Variants in BANP observed in about 807,000 individuals in gnomAD.
The protein encoded by BANP is BTG3 associated nuclear protein.
In BANP, 11 loss-of-function variants were observed where a neutral mutation model predicts 68.1. The observed-to-expected ratio is 0.16, with a 90% confidence interval of 0.10 to 0.27. The LOEUF (loss-of-function observed/expected upper bound fraction) is 0.27, where lower values mean the gene tolerates loss of function less well. BANP is among the 10% of genes least tolerant of loss of function. The pLI, the probability that BANP is intolerant of heterozygous loss-of-function variation, is 1.00. For missense variants in BANP, 504 were observed against 722.7 expected (o/e 0.70, Z 3.47); for synonymous variants, 329 against 303.2 (o/e 1.09, Z -0.88).
In BANP at chr16:88,036,099, G is replaced by A. The variant is rs373390363; in HGVS notation, c.1272+705G>A. On this transcript the variant is annotated intron_variant, in intron 10 of 13. Transcript: ENST00000682872. The surrounding 1 kb of genome is among the most constrained non-coding windows in gnomAD (Gnocchi z 4.2). ...ACTGTCTCCCGGGTGACCGTCCTTCGACTCTGGGCTGTTTCCTGCAGCACA... is the reference window on the plus strand; with the variant it reads ...ACTGTCTCCCGGGTGACCGTCCTTCAACTCTGGGCTGTTTCCTGCAGCACA... Among the ~76,000 whole-genome samples the A allele has an allele frequency of 9.8e-5, 15 of 152,310 alleles. No individual in the cohort carries two copies. The East Asian group carries it at 2.3e-3, about 24-fold the overall frequency.
rs1253220945 is a variant in BANP, at chr16:88,018,687, G to A, written c.895+20G>A. ...TCCGGTGTAAGTCGGGCCCCGCCTT[G>A]GGGGACTGGGGTGTGCGGGGAGCTG... On this transcript the variant is annotated intron_variant, in intron 7 of 13. Coordinates refer to ENST00000682872, the MANE Select transcript of BANP (RefSeq NM_001386991.1). The surrounding 1 kb of genome is among the most constrained non-coding windows in gnomAD (Gnocchi z 7.7). The A allele has an allele frequency of 3.2e-6, 5 of 1,548,406 alleles. No homozygotes were observed. The highest frequency in any genetic ancestry group is 4.4e-6 in the Non-Finnish European group (5 of 1,144,728).
intron 11 of BANP, among the ~76,000 whole-genome samples, chr16:88,039,619 G>A (rs2080255057): frequency 7.0e-6 from 1 of 141,960 alleles, no homozygotes; most frequent in African/African-American, 2.4e-5. Flanking sequence ...TATTACTGCA[G>A]TGCTTCTGTT....
rs535635554 is a variant in BANP, at chr16:88,009,955, A to C, written c.655+3690A>C. On this transcript the variant is annotated intron_variant, in intron 6 of 13. Coordinates refer to ENST00000682872, the MANE Select transcript of BANP (RefSeq NM_001386991.1). ...TAGACTGTGTCTCATTGGAATAAGA[A>C]GGACTGTAGCTCCTGACTGTTGAAA... Among the ~76,000 whole-genome samples the C allele has an allele frequency of 3.3e-5, 5 of 152,222 alleles. No individual in the cohort carries two copies. The South Asian group carries it at 8.3e-4, about 25-fold the overall frequency.
At position 88,004,550 on chromosome 16, in the gene BANP, G is replaced by T. The variant is rs115501145; in HGVS notation, c.479+139G>T. On this transcript the variant is annotated intron_variant, in intron 5 of 13. Transcript: ENST00000682872. The surrounding 1 kb of genome is among the most constrained non-coding windows in gnomAD (Gnocchi z 7.0). ...CACAGGGTTGAGCCTGGCAGGCACC[G>T]CCCCAGCTCTCTGAGGTCGGGGAGG... 2.2e-5 allele frequency: 13 copies of T among 590,708 alleles called. No homozygotes were observed. The highest frequency in any genetic ancestry group is 3.5e-5 in the Non-Finnish European group (12 of 340,304). The allele number at this position is 590,708 out of a possible 1,614,324, so 36.6% of individuals were successfully genotyped here. A position where few individuals can be genotyped will look rare whatever the true frequency, so the allele number is the denominator to read the frequency against.
Position 87,957,729 on chromosome 16 carries a change from T to G in BANP, c.-69+6214T>G, listed in dbSNP as rs1395825473. Among the ~76,000 whole-genome samples the G allele has an allele frequency of 6.6e-6, 1 of 152,248 alleles. No homozygotes were observed. The highest frequency in any genetic ancestry group is 1.5e-5 in the Non-Finnish European group (1 of 68,040). On this transcript the variant is annotated intron_variant, in intron 1 of 13. Transcript: ENST00000682872. The surrounding 1 kb of genome is among the most constrained non-coding windows in gnomAD (Gnocchi z 4.3). Reference sequence around the variant, plus strand: ...GGAGAACTGGGTGCGCGCTTGGCATTTCCTTGCCGGTGTGAATGCGCTTCC... The same window carrying G: ...GGAGAACTGGGTGCGCGCTTGGCATGTCCTTGCCGGTGTGAATGCGCTTCC...
At chr16:87,997,281 A>T (rs1490390647) in intron 4 of BANP, among the ~76,000 whole-genome samples, 1 of 152,252 alleles carries the variant, frequency 6.6e-6, no homozygotes, top group Non-Finnish European at 1.5e-5. Flanking sequence ...TTTTAAATCC[A>T]TCAAAGTAAA....
intron 4 of BANP, among the ~76,000 whole-genome samples, chr16:87,990,112 G>A (rs561897888): frequency 7.2e-5 from 11 of 152,266 alleles, no homozygotes; most frequent in Admixed American, 2.0e-4. Context: ...ATACTGACTC[G>A]AAAAATTATT....
chr16:88,058,967 C>T (rs928647402), intron 11 of BANP, among the ~76,000 whole-genome samples: 7 of 152,108 alleles, frequency 4.6e-5, no homozygotes, highest in African/African-American at 1.7e-4. Flanking sequence ...GCCGCTGCTC[C>T]TGCTTTCGGC....
Position 87,989,906 on chromosome 16 carries a change from G to A in BANP, c.362+5647G>A, listed in dbSNP as rs1292023543. On this transcript the variant is annotated intron_variant, in intron 4 of 13. Coordinates refer to ENST00000682872, the MANE Select transcript of BANP (RefSeq NM_001386991.1). ...GGTGGGTGACGGGGGATGCAGGCCC[G>A]CGTGGCTGCGCACATCCAGGACACA... Among the ~76,000 whole-genome samples the A allele has an allele frequency of 2.9e-3, 377 of 127,954 alleles. 31 individuals are homozygous for A. Among genetic ancestry groups the A allele is most frequent in the Non-Finnish European group, 4.0e-3 (245 of 61,342 alleles). The allele number at this position is 127,954 out of a possible 152,430, so 83.9% of individuals were successfully genotyped here.
chr16:88,012,535 C>A (rs1289299342), intron 6 of BANP, among the ~76,000 whole-genome samples: 2 of 152,200 alleles, frequency 1.3e-5, no homozygotes, highest in Admixed American at 1.3e-4. Context: ...GGATGGCCTT[C>A]TGATTTGTTC....
At chr16:88,054,429 C>T (rs1033540050) in intron 11 of BANP, among the ~76,000 whole-genome samples, 1 of 152,092 alleles carries the variant, frequency 6.6e-6, no homozygotes, top group Non-Finnish European at 1.5e-5. Context: ...CAAACACTAC[C>T]ACCACCACCT....
At chr16:88,025,423 G>A (rs1225744439) in intron 7 of BANP, among the ~76,000 whole-genome samples, 6 of 152,170 alleles carry the variant, frequency 3.9e-5, no homozygotes, top group Non-Finnish European at 7.3e-5. Context: ...AGGGTGACTT[G>A]GAGTATTTTA....
chr16:88,054,658 A>G (rs539952836), intron 11 of BANP, among the ~76,000 whole-genome samples: 3 of 152,298 alleles, frequency 2.0e-5, no homozygotes, highest in Admixed American at 2.0e-4. Context: ...TTGTTTTCTA[A>G]TCTATCTACT....
intron 11 of BANP, among the ~76,000 whole-genome samples, chr16:88,049,649 G>A (rs528145237): frequency 6.6e-6 from 1 of 152,268 alleles, no homozygotes; most frequent in African/African-American, 2.4e-5. Context: ...CAGGGCTGTG[G>A]GAGTTAGGGG....
At chr16:88,046,568 C>T (rs770862849) in intron 11 of BANP, among the ~76,000 whole-genome samples, 15 of 151,806 alleles carry the variant, frequency 9.9e-5, no homozygotes, top group Non-Finnish European at 1.6e-4. Context: ...TTTTTTGACA[C>T]GGAGTCTTGC....
chr16:88,065,875 C>T (rs1056842215), intron 12 of BANP, among the ~76,000 whole-genome samples: 44 of 152,116 alleles, frequency 2.9e-4, no homozygotes, highest in African/African-American at 1.0e-3. Flanking sequence ...CACAGTGTCC[C>T]CAGCGGAGCA....
intron 7 of BANP, among the ~76,000 whole-genome samples, chr16:88,021,871 C>T (rs1472673742): frequency 1.3e-5 from 2 of 152,134 alleles, no homozygotes; most frequent in Admixed American, 6.5e-5. Flanking sequence ...TTAAGTTTCT[C>T]CTTATTTGTC....
At chr16:88,060,684 G>C (rs1243197435) in intron 11 of BANP, among the ~76,000 whole-genome samples, 2 of 152,158 alleles carry the variant, frequency 1.3e-5, no homozygotes, top group African/African-American at 4.8e-5. Context: ...CGTCAGCTCT[G>C]GGCTGGCATC....
Position 88,030,984 on chromosome 16 carries a change from G to A in BANP, c.1064-2125G>A, listed in dbSNP as rs536531108. Among the ~76,000 whole-genome samples the A allele has an allele frequency of 1.2e-4, 18 of 152,372 alleles. No homozygotes were observed. In the East Asian group the frequency reaches 1.4e-3, roughly 11 times the overall value. ...ATAAGTAAAGAATTAGGCTGGTTTT[G>A]TAGGTGCTAAGAGGGTCAGTGGAGG... On this transcript the variant is annotated intron_variant, in intron 8 of 13. Coordinates refer to ENST00000682872, the MANE Select transcript of BANP (RefSeq NM_001386991.1).
Sources: allele counts gnomAD v4.1 joint callset (sites outside exome capture counted in the v4.1 genomes callset), GRCh38; gene constraint gnomAD v4.1.1; non-coding constraint Gnocchi (gnomAD v3.1); transcripts MANE v1.5; gene names NCBI Gene and HGNC (gene_info 2026-07-23, HGNC 2026-07-21).